The following ZMAT4 variants were observed in gnomAD, a reference collection of about 807,000 sequenced individuals.
The protein encoded by ZMAT4 is zinc finger matrin-type protein 4.
In ZMAT4, 17 loss-of-function variants were observed where a neutral mutation model predicts 28.7. The observed-to-expected ratio is 0.59, with a 90% CI of 0.41 to 0.89. ZMAT4 has a LOEUF of 0.89. Among genes scored for constraint, ZMAT4 ranks in the 40% least tolerant of loss-of-function variants. ZMAT4 has a pLI of 0.00. For missense variants in ZMAT4, 240 were observed against 283.8 expected, an observed-to-expected ratio of 0.85 and a Z score of 1.11; for synonymous variants, 117 against 109.2, an observed-to-expected ratio of 1.07 and a Z score of -0.44.
At chr8:40,809,252 T>C (rs1815219828) in intron 2 of ZMAT4, among the ~76,000 whole-genome samples, 1 of 152,156 alleles carries the variant, frequency 6.6e-6, no homozygotes, top group Admixed American at 6.5e-5. Flanking sequence ...AGCTAAACAC[T>C]GAGTACACAT....
chr8:40,621,914 C>A (rs1585771542), intron 5 of ZMAT4, among the ~76,000 whole-genome samples: 1 of 152,090 alleles, frequency 6.6e-6, no homozygotes, highest in African/African-American at 2.4e-5. Context: ...TCAGTTGTGG[C>A]AGAACTAACA....
At position 40,531,463 on chromosome 8, in the gene ZMAT4, A is replaced by G. The variant is rs2118337462; in HGVS notation, c.*760T>C. 1 of 152,564 alleles carries G rather than the reference A, an allele frequency of 6.6e-6. No individual in the cohort carries two copies. The highest frequency in any genetic ancestry group is 1.9e-4 in the East Asian group (1 of 5,176). 9.5% of individuals were successfully genotyped at this position (152,564 alleles called of 1,614,324 possible). ...ATTCTTCTTTTGGATGCTTTTGGGG[A>G]AAAAAATTCACCAAGGTCAAGGGCT... On this transcript the variant is annotated 3_prime_UTR_variant, in exon 7 of 7. Coordinates refer to ENST00000297737, the MANE Select transcript of ZMAT4 (RefSeq NM_024645.3).
At chr8:40,624,685 T>A (rs1013490041) in intron 5 of ZMAT4, among the ~76,000 whole-genome samples, 3 of 152,224 alleles carry the variant, frequency 2.0e-5, no homozygotes, top group African/African-American at 7.2e-5. Flanking sequence ...CATATCCTCT[T>A]CCTGCCTAGG....
At chr8:40,584,979 T>C (rs918953752) in intron 5 of ZMAT4, among the ~76,000 whole-genome samples, 5 of 152,178 alleles carry the variant, frequency 3.3e-5, no homozygotes, top group African/African-American at 1.2e-4. Context: ...TCCTGCTCCC[T>C]GAATGTCAGT....
In ZMAT4 at chr8:40,757,958, C is replaced by T. The variant is rs113642648; in HGVS notation, c.192+9683G>A. Among the ~76,000 whole-genome samples, 1,446 of 152,236 alleles carry T rather than the reference C, an allele frequency of 9.5e-3. 24 individuals are homozygous for T. Among genetic ancestry groups the T allele is most frequent in the African/African-American group, 0.034 (1,396 of 41,536 alleles). ...GGCTGAGTCTCCCAGCCTAGTCTTT[C>T]TCCCATGCTGGATCCTTCCTGCCCT... On this transcript the variant is annotated intron_variant, in intron 3 of 6. Coordinates refer to ENST00000297737, the MANE Select transcript of ZMAT4 (RefSeq NM_024645.3).
chr8:40,673,768 C>T (rs770151840), intron 5 of ZMAT4, among the ~76,000 whole-genome samples: 18 of 152,166 alleles, frequency 1.2e-4, no homozygotes, highest in Non-Finnish European at 1.9e-4. Flanking sequence ...AAGGAATCCA[C>T]AGAAGTAATC....
chr8:40,873,504 A>G (rs542028047), intron 1 of ZMAT4, among the ~76,000 whole-genome samples: 2 of 151,986 alleles, frequency 1.3e-5, no homozygotes, highest in African/African-American at 4.8e-5. Flanking sequence ...GGAGTGAAAG[A>G]CCCCAAAATG....
chr8:40,876,868 G>A (rs1338008334), intron 1 of ZMAT4, among the ~76,000 whole-genome samples: 1 of 152,160 alleles, frequency 6.6e-6, no homozygotes, highest in East Asian at 1.9e-4. Flanking sequence ...TTACGAATCT[G>A]GCAGCCTGGG....
At chr8:40,677,853 AT>A (rs1355835894) in intron 4 of ZMAT4, among the ~76,000 whole-genome samples, 3 of 152,338 alleles carry the variant, frequency 2.0e-5, no homozygotes, top group African/African-American at 4.8e-5. Flanking sequence ...ATTGCAAAAA[AT>A]ATTAACTAAA....
intron 5 of ZMAT4, among the ~76,000 whole-genome samples, chr8:40,649,571 A>G (rs369908057): frequency 1.2e-4 from 18 of 152,170 alleles, no homozygotes; most frequent in Non-Finnish European, 2.2e-4. Flanking sequence ...TGCACCAAGC[A>G]GACCTAATAG....
chr8:40,789,319 G>T (rs961972771), intron 2 of ZMAT4, among the ~76,000 whole-genome samples: 1 of 152,126 alleles, frequency 6.6e-6, no homozygotes, highest in African/African-American at 2.4e-5. Context: ...TTTTTTCCAA[G>T]ATGAATTAGG....
At position 40,716,606 on chromosome 8, in the gene ZMAT4, C is replaced by T. The variant is rs571727559; in HGVS notation, c.193-19205G>A. ...ACTTGGGAGGCTGAGGCAGGAGAAT[C>T]GCTTGAACCTGGGAGGTGGAGGTTG... On this transcript the variant is annotated intron_variant, in intron 3 of 6. Transcript: ENST00000297737. Among the ~76,000 whole-genome samples, 76 of 152,100 alleles carry T rather than the reference C, an allele frequency of 5.0e-4. 1 individual carries two copies. Among genetic ancestry groups the T allele is most frequent in the Non-Finnish European group, 8.1e-4 (55 of 68,034 alleles).
intron 6 of ZMAT4, among the ~76,000 whole-genome samples, chr8:40,568,381 G>A (rs1342759309): frequency 1.3e-5 from 2 of 152,088 alleles, no homozygotes; most frequent in African/African-American, 2.4e-5. Flanking sequence ...ATCGTCTTTC[G>A]AGACCTTTCC....
At chr8:40,762,652 T>C (rs542537175) in intron 3 of ZMAT4, among the ~76,000 whole-genome samples, 21 of 151,584 alleles carry the variant, frequency 1.4e-4, no homozygotes, top group African/African-American at 4.8e-4. Context: ...CAAGACCCCA[T>C]CTCTAAAAAT....
chr8:40,599,397 A>G (rs569351022), intron 5 of ZMAT4, among the ~76,000 whole-genome samples: 3 of 152,080 alleles, frequency 2.0e-5, no homozygotes, highest in East Asian at 3.9e-4. Flanking sequence ...GTGTGTGTGT[A>G]TATATATGTG....
intron 5 of ZMAT4, among the ~76,000 whole-genome samples, chr8:40,591,653 T>C (rs1039122120): frequency 2.6e-5 from 4 of 152,308 alleles, no homozygotes; most frequent in South Asian, 2.1e-4. Flanking sequence ...GCTCCCATAA[T>C]TGCATGAGGT....
At chr8:40,658,512 G>T (rs73611403) in intron 5 of ZMAT4, among the ~76,000 whole-genome samples, 2,961 of 151,984 alleles carry the variant, frequency 0.019, 92 homozygotes, top group African/African-American at 0.067. Context: ...GTGTGAAGCA[G>T]CTGAAATTGC....
At chr8:40,830,508 A>G (rs1816241355) in intron 1 of ZMAT4, among the ~76,000 whole-genome samples, 1 of 152,144 alleles carries the variant, frequency 6.6e-6, no homozygotes, top group Admixed American at 6.5e-5. Context: ...AAAGGACACT[A>G]TTTCATTCTT....
At chr8:40,860,056 G>A (rs1329022751) in intron 1 of ZMAT4, among the ~76,000 whole-genome samples, 1 of 152,212 alleles carries the variant, frequency 6.6e-6, no homozygotes, top group Non-Finnish European at 1.5e-5. Context: ...TCCCAGCTCT[G>A]AGAGCTGTGC....
Sources: gnomAD v4.1 joint callset for allele counts (sites outside exome capture counted in the v4.1 genomes callset) on GRCh38, gnomAD v4.1.1 for gene constraint, MANE v1.5 for transcripts, NCBI Gene and HGNC (gene_info 2026-07-23, HGNC 2026-07-21) for gene names.